NEK7: variants seen among roughly 807,000 people sequenced by gnomAD.
NEK7 encodes NIMA related kinase 7, also known as serine/threonine-protein kinase Nek7.
A neutral mutation model predicts 44.6 loss-of-function variants in NEK7; 18 were observed. That is an observed-to-expected ratio of 0.40 (90% CI 0.28 to 0.60). The LOEUF (loss-of-function observed/expected upper bound fraction) is 0.60, where lower values mean the gene tolerates loss of function less well. Among genes scored for constraint, NEK7 ranks in the 20% least tolerant of loss-of-function variants. The pLI, the probability that NEK7 is intolerant of heterozygous loss-of-function variation, is 0.38. For synonymous variants in NEK7, 130 were observed against 121.1 expected, an observed-to-expected ratio of 1.07 and a Z score of -0.48; for missense variants, 256 against 366.5, an observed-to-expected ratio of 0.70 and a Z score of 2.46.
chr1:198,175,945 T>G (rs754124750), intron 1 of NEK7, among the ~76,000 whole-genome samples: 1 of 152,206 alleles, frequency 6.6e-6, no homozygotes, highest in Non-Finnish European at 1.5e-5. Flanking sequence ...TCAGAGATAA[T>G]GATGTGAGAC....
At chr1:198,244,598 G>A (rs971613066) in intron 2 of NEK7, among the ~76,000 whole-genome samples, 2 of 152,160 alleles carry the variant, frequency 1.3e-5, no homozygotes, top group South Asian at 2.1e-4. Context: ...GTAAGATCTC[G>A]TGTTAATGTG....
chr1:198,177,039 G>A (rs1475979242), intron 1 of NEK7, among the ~76,000 whole-genome samples: 1 of 152,084 alleles, frequency 6.6e-6, no homozygotes, highest in Non-Finnish European at 1.5e-5. Flanking sequence ...AAATAACCAA[G>A]GGACTTACCA....
At chr1:198,250,690 T>C (rs1652915609) in intron 2 of NEK7, among the ~76,000 whole-genome samples, 1 of 143,640 alleles carries the variant, frequency 7.0e-6, no homozygotes, top group African/African-American at 2.6e-5. Flanking sequence ...TTGTCTGTTA[T>C]TGGTGTATAA....
intron 2 of NEK7, among the ~76,000 whole-genome samples, chr1:198,252,778 T>A (rs1482194247): frequency 6.6e-6 from 1 of 151,620 alleles, no homozygotes; most frequent in African/African-American, 2.4e-5. Context: ...TATATATGTA[T>A]GTTTTAATGT....
intron 9 of NEK7, among the ~76,000 whole-genome samples, chr1:198,304,968 G>A (rs1654983106): frequency 6.6e-6 from 1 of 152,012 alleles, no homozygotes; most frequent in Non-Finnish European, 1.5e-5. Context: ...AAAGGCTTTT[G>A]TATATTCAGA....
At chr1:198,186,067 T>TAA (rs1664915810) in intron 1 of NEK7, among the ~76,000 whole-genome samples, 1 of 152,236 alleles carries the variant, frequency 6.6e-6, no homozygotes, top group African/African-American at 2.4e-5. Context: ...CTGGAAGATT[T>TAA]ATGTTAGCAG....
At chr1:198,249,867 T>G (rs1652862597) in intron 2 of NEK7, among the ~76,000 whole-genome samples, 1 of 145,142 alleles carries the variant, frequency 6.9e-6, no homozygotes, top group African/African-American at 2.6e-5. Context: ...TTTCTTTTGC[T>G]GTGCTCTTTA....
At chr1:198,240,848 G>A (rs1666666496) in intron 2 of NEK7, among the ~76,000 whole-genome samples, 1 of 151,922 alleles carries the variant, frequency 6.6e-6, no homozygotes, top group Non-Finnish European at 1.5e-5. Flanking sequence ...GGTGTGTGCC[G>A]CACACCTGGC....
intron 1 of NEK7, among the ~76,000 whole-genome samples, chr1:198,224,148 C>G (rs769816277): frequency 6.6e-6 from 1 of 152,036 alleles, no homozygotes; most frequent in African/African-American, 2.4e-5. Flanking sequence ...AGCCATGTGC[C>G]ACATAATGAT....
chr1:198,247,996 T>G (rs1280938725), intron 2 of NEK7, among the ~76,000 whole-genome samples: 1 of 152,140 alleles, frequency 6.6e-6, no homozygotes, highest in African/African-American at 2.4e-5. Context: ...TTAATAGGTC[T>G]TTAATATTCA....
chr1:198,173,001 T>C (rs756373712), intron 1 of NEK7, among the ~76,000 whole-genome samples: 8 of 152,218 alleles, frequency 5.3e-5, no homozygotes, highest in Admixed American at 2.0e-4. Context: ...CAATTGGTTA[T>C]ATATCTCATG....
At chr1:198,210,737 A>G (rs1172375409) in intron 1 of NEK7, among the ~76,000 whole-genome samples, 1 of 52,416 alleles carries the variant, frequency 1.9e-5, no homozygotes, top group African/African-American at 7.2e-5. Flanking sequence ...TTCAATTTGT[A>G]TTTCTTTTTT....
At chr1:198,287,376 A>G (rs1387103181) in intron 7 of NEK7, among the ~76,000 whole-genome samples, 2 of 152,158 alleles carry the variant, frequency 1.3e-5, no homozygotes, top group Non-Finnish European at 2.9e-5. Flanking sequence ...CCTGGGCAAC[A>G]GAGCAAGACT....
intron 1 of NEK7, among the ~76,000 whole-genome samples, chr1:198,185,678 A>T (rs1664901718): frequency 6.6e-6 from 1 of 152,188 alleles, no homozygotes; most frequent in South Asian, 2.1e-4. Flanking sequence ...TCCCATCTAT[A>T]GGTAGTGCTG....
intron 5 of NEK7, among the ~76,000 whole-genome samples, chr1:198,274,923 A>G (rs1297138374): frequency 6.6e-6 from 1 of 151,798 alleles, no homozygotes; most frequent in Non-Finnish European, 1.5e-5. Context: ...TTATATTAAT[A>G]TAAATCACTT....
At chr1:198,255,274 A>C (rs567627129) in intron 3 of NEK7, among the ~76,000 whole-genome samples, 6 of 152,228 alleles carry the variant, frequency 3.9e-5, no homozygotes, top group African/African-American at 1.4e-4. Flanking sequence ...TTCAAAGTAA[A>C]ATTACAAGCT....
intron 1 of NEK7, among the ~76,000 whole-genome samples, chr1:198,204,962 A>G (rs1490213015): frequency 1.3e-5 from 2 of 152,136 alleles, no homozygotes; most frequent in Admixed American, 6.5e-5. Context: ...AATGTAACAT[A>G]TAATAACAAC....
chr1:198,215,890 C>T (rs1027758717), intron 1 of NEK7, among the ~76,000 whole-genome samples: 1 of 152,052 alleles, frequency 6.6e-6, no homozygotes, highest in African/African-American at 2.4e-5. Context: ...GTGCCCAACT[C>T]TGGAGTACCC....
intron 7 of NEK7, 35 bp from the exon 8 acceptor site, chr1:198,292,910 A>G (rs1470137563): frequency 2.7e-6 from 3 of 1,105,906 alleles, no homozygotes; most frequent in South Asian, 2.5e-5. Flanking sequence ...TTATTTTTAT[A>G]TACCTCTTAC....
Sources: allele counts gnomAD v4.1 joint callset (sites outside exome capture counted in the v4.1 genomes callset), GRCh38; gene constraint gnomAD v4.1.1; transcripts MANE v1.5; gene names NCBI Gene and HGNC (gene_info 2026-07-23, HGNC 2026-07-21).